The following FBXO16 variants were observed in gnomAD, a reference collection of about 807,000 sequenced individuals.
FBXO16 encodes the protein F-box only protein 16.
A neutral mutation model predicts 41.0 loss-of-function variants in FBXO16; 31 were observed. That is an observed-to-expected ratio of 0.76 (90% CI 0.57 to 1.02). The LOEUF is 1.02. Among genes scored for constraint, FBXO16 ranks in the 50% least tolerant of loss-of-function variants. The pLI, the probability that FBXO16 is intolerant of heterozygous loss-of-function variation, is 0.00. For synonymous variants in FBXO16, 133 were observed against 117.8 expected (o/e 1.13, Z -0.84); for missense variants, 361 against 346.2 (o/e 1.04, Z -0.34).
chr8:28,470,600 A>G (rs1183334059), intron 3 of FBXO16, among the ~76,000 whole-genome samples: 1 of 152,226 alleles, frequency 6.6e-6, no homozygotes, highest in East Asian at 1.9e-4. Flanking sequence ...TACAGGGTAT[A>G]TTATATATTA....
chr8:28,444,688 G>A (rs903104696), intron 7 of FBXO16, among the ~76,000 whole-genome samples: 11 of 150,224 alleles, frequency 7.3e-5, no homozygotes, highest in African/African-American at 2.7e-4. Flanking sequence ...CACCGTGTTA[G>A]CCAGGATGGT....
rs1169034412 is a variant in FBXO16 at position 28,466,698 on chromosome 8, A to G, written c.136-2880T>C. ...TAGTCCCAGTTACATGGGAGGCTGA[A>G]GCAGAAGAATGGCGATAAAGAGCCA... On this transcript the variant is annotated intron_variant, in intron 3 of 8. Coordinates refer to ENST00000380254, the MANE Select transcript of FBXO16 (RefSeq NM_172366.4). Among the ~76,000 whole-genome samples, 3 of 151,772 alleles carry G rather than the reference A, an allele frequency of 2.0e-5. 1 individual carries two copies. The highest frequency in any genetic ancestry group is 4.2e-4 in the South Asian group (2 of 4,812).
intron 3 of FBXO16, among the ~76,000 whole-genome samples, chr8:28,465,791 TTTG>T (rs1056945942): frequency 3.8e-4 from 58 of 150,760 alleles, no homozygotes; most frequent in Middle Eastern, 6.8e-3. Context: ...GTTTTGGGTT[TTTG>T]TTGTTGTTGT....
chr8:28,439,540 C>T (rs13277890), intron 7 of FBXO16, among the ~76,000 whole-genome samples: 75,153 of 151,788 alleles, frequency 0.5, 19,912 homozygotes, highest in East Asian at 0.68. Context: ...GAGTTTGGGA[C>T]GAGCCCAGGC....
At position 28,486,701 on chromosome 8, in the gene FBXO16, C is replaced by T. The variant is rs187456047; in HGVS notation, c.-16-3239G>A. Among the ~76,000 whole-genome samples, 609 of 151,836 alleles carry T rather than the reference C, an allele frequency of 4.0e-3. 7 individuals carry two copies. Among genetic ancestry groups the T allele is most frequent in the Middle Eastern group, 0.01 (3 of 294 alleles). On this transcript the variant is annotated intron_variant, in intron 1 of 8. Coordinates refer to ENST00000380254, the MANE Select transcript of FBXO16 (RefSeq NM_172366.4). ...AAAATTAGCTGGGCTTAGTGGTGCA[C>T]GCCTGTGGTCCCAGCTACTTGGGGT...
At position 28,452,354 on chromosome 8, in the gene FBXO16, G is replaced by GT; in HGVS notation, c.629dup (p.Asn210LysfsTer14). 2 of 1,614,202 alleles carry GT rather than the reference G, an allele frequency of 1.2e-6. No individual in the cohort carries two copies. The highest frequency in any genetic ancestry group is 1.7e-6 in the Non-Finnish European group (2 of 1,180,026). ...AGGGTGGAAGTGCTTTCTCCCCTGA[G>GT]TTATTCTTCTTTCTTAAAGAGGAAG... On this transcript the variant is annotated frameshift_variant, in exon 6 of 9. Transcript: ENST00000380254. LOFTEE classifies it high-confidence loss of function.
intron 8 of FBXO16, among the ~76,000 whole-genome samples, chr8:28,428,939 A>G (rs112247112): frequency 2.6e-5 from 4 of 152,280 alleles, no homozygotes; most frequent in African/African-American, 9.6e-5. Context: ...TTTAGCGTCC[A>G]AAGTGCTCTC....
chr8:28,458,331 G>A (rs965961844), intron 4 of FBXO16, among the ~76,000 whole-genome samples: 24 of 152,262 alleles, frequency 1.6e-4, no homozygotes, highest in Middle Eastern at 3.4e-3. Flanking sequence ...GGAAAGGTTA[G>A]GGAAGGAGGA....
At chr8:28,438,617 C>G (rs1802719028) in intron 7 of FBXO16, among the ~76,000 whole-genome samples, 1 of 152,218 alleles carries the variant, frequency 6.6e-6, no homozygotes, top group African/African-American at 2.4e-5. Flanking sequence ...GAGCTAGGTA[C>G]TGTGCTAATG....
chr8:28,483,733 A>G (rs973228627), intron 1 of FBXO16, among the ~76,000 whole-genome samples: 1 of 152,128 alleles, frequency 6.6e-6, no homozygotes, highest in Admixed American at 6.6e-5. Flanking sequence ...GCCTGTAATC[A>G]CAGCTACTAG....
chr8:28,447,395 C>A (rs1344944212), intron 6 of FBXO16, 122 bp from the exon 7 acceptor site: 6 of 838,750 alleles, frequency 7.2e-6, no homozygotes, highest in Non-Finnish European at 9.3e-6. Context: ...CTCCACTTAA[C>A]TGGAAATAAG....
chr8:28,452,247 T>C lies in FBXO16; in HGVS notation c.737A>G (p.Gln246Arg). 6.2e-7 allele frequency: 1 copy of C among 1,613,850 alleles called. No individual in the cohort carries two copies. The highest frequency in any genetic ancestry group is 8.5e-7 in the Non-Finnish European group (1 of 1,179,746). ...DNRDPMETVQ[Q>R]GRRKRNQMTP... ...AGAAGAGCATGGAGCTTCTTACCCTTGCTGGACAGTCTCCATGGGGTCACG... is the reference window on the plus strand; with the variant it reads ...AGAAGAGCATGGAGCTTCTTACCCTCGCTGGACAGTCTCCATGGGGTCACG... The change falls in exon 6 of 9, where the codon CAA (glutamine) becomes CGA (arginine). Residue 246 changes from glutamine to arginine, a missense_variant. Coordinates refer to ENST00000380254, the MANE Select transcript of FBXO16 (RefSeq NM_172366.4).
At chr8:28,431,699 G>A (rs1247627057) in intron 7 of FBXO16, among the ~76,000 whole-genome samples, 5 of 152,132 alleles carry the variant, frequency 3.3e-5, no homozygotes, top group Non-Finnish European at 5.9e-5. Flanking sequence ...ACCTCCAGAC[G>A]CGGCAAGGCA....
intron 3 of FBXO16, among the ~76,000 whole-genome samples, chr8:28,468,160 A>T (rs1224773084): frequency 6.6e-6 from 1 of 152,162 alleles, no homozygotes; most frequent in Non-Finnish European, 1.5e-5. Flanking sequence ...GTAGCCAGGG[A>T]CCTCATGTAT....
intron 3 of FBXO16, among the ~76,000 whole-genome samples, chr8:28,465,900 C>T (rs941547414): frequency 1.8e-4 from 27 of 152,146 alleles, no homozygotes; most frequent in African/African-American, 6.0e-4. Flanking sequence ...TGCCTCCATT[C>T]TGGGTTGGTT....
chr8:28,429,549 T>C, intron 7 of FBXO16, 146 bp from the exon 8 acceptor site: 1 of 855,396 alleles, frequency 1.2e-6, no homozygotes, highest in Admixed American at 2.1e-5. Flanking sequence ...CCTAAGAGGA[T>C]TGGGCTGAAC....
intron 1 of FBXO16, 121 bp from the exon 2 acceptor site, chr8:28,483,583 C>T: frequency 1.5e-6 from 1 of 662,198 alleles, no homozygotes; most frequent in Non-Finnish European, 2.6e-6. Flanking sequence ...CTTTGGGAGG[C>T]TGAGGTGGGC....
chr8:28,469,571 G>A (rs1317059599), intron 3 of FBXO16, among the ~76,000 whole-genome samples: 1 of 152,088 alleles, frequency 6.6e-6, no homozygotes, highest in Non-Finnish European at 1.5e-5. Context: ...ATAAATTAGA[G>A]TACACCCATC....
intron 5 of FBXO16, 34 bp from the exon 6 acceptor site, chr8:28,452,510 A>G (rs1475530986): frequency 1.9e-6 from 3 of 1,602,386 alleles, no homozygotes; most frequent in Non-Finnish European, 2.6e-6. Flanking sequence ...TTCTCAAAAC[A>G]CTATAATACG....
Sources: gnomAD v4.1 joint callset for allele counts (sites outside exome capture counted in the v4.1 genomes callset) on GRCh38, gnomAD v4.1.1 for gene constraint, MANE v1.5 for transcripts, NCBI Gene and HGNC (gene_info 2026-07-23, HGNC 2026-07-21) for gene names.